NEMP1: variants seen among roughly 807,000 people sequenced by gnomAD.
NEMP1 encodes nuclear envelope integral membrane protein 1, also known as transmembrane protein 194.
Under a neutral mutation model 53.7 loss-of-function variants are expected in NEMP1, and 29 were observed. The ratio of observed to expected loss-of-function variants is 0.54; its 90% CI spans 0.40 to 0.74. NEMP1 has a LOEUF of 0.74. Ranked by LOEUF, NEMP1 falls within the 30% of genes least tolerant of loss-of-function variation. NEMP1 has a pLI of 0.00. For synonymous variants in NEMP1, 193 were observed against 192.9 expected (o/e 1.00, Z 0.00); for missense variants, 477 against 528.6 (o/e 0.90, Z 0.96).
intron 4 of NEMP1, among the ~76,000 whole-genome samples, chr12:57,069,013 G>A (rs543135592): frequency 6.6e-6 from 1 of 152,234 alleles, no homozygotes; most frequent in Non-Finnish European, 1.5e-5. Context: ...ACCTAATGAT[G>A]GGCCAACCTA....
At chr12:57,077,063 A>T (rs1020078871) in intron 1 of NEMP1, among the ~76,000 whole-genome samples, 3 of 151,590 alleles carry the variant, frequency 2.0e-5, no homozygotes, top group East Asian at 3.9e-4. Flanking sequence ...CCGGGTGTGG[A>T]GGCTCATGCC....
chr12:57,070,638 T>C (rs376275381), intron 3 of NEMP1, 36 bp downstream of exon 3: 65 of 1,520,726 alleles, frequency 4.3e-5, no homozygotes, highest in Non-Finnish European at 5.5e-5. Context: ...TCCTTATCAC[T>C]ACAGAATCCA....
intron 5 of NEMP1, 82 bp downstream of exon 5, chr12:57,064,564 C>T: frequency 9.5e-7 from 1 of 1,048,112 alleles, no homozygotes; most frequent in South Asian, 1.5e-5. Flanking sequence ...TACACATTTT[C>T]AGTTTTCTAA....
intron 7 of NEMP1, 60 bp from the exon 8 acceptor site, chr12:57,061,005 TCTAG>T: frequency 6.4e-7 from 1 of 1,550,728 alleles, no homozygotes; most frequent in Non-Finnish European, 8.7e-7. Context: ...CATCCTTACT[TCTAG>T]CTCCCTTCAG....
chr12:57,070,753 C>A lies in NEMP1; in HGVS notation c.393G>T (p.Val131=). ...KEKLNDTYVN[V]GLYSTKTCLK... The stretch of plus-strand genomic sequence containing the variant: ...GGCAGGTTTTTGTGCTGTATAGACC[C>A]ACGTTAACATAGGTGTCATTCAATT... The change falls in exon 3 of 9, where the codon GTG becomes GTT. Residue 131 remains valine, a synonymous_variant. Transcript: ENST00000300128. The A allele has an allele frequency of 6.3e-7, 1 of 1,597,226 alleles. No individual in the cohort carries two copies. The highest frequency in any genetic ancestry group is 1.1e-5 in the South Asian group (1 of 88,760).
At chr12:57,078,884 C>G, upstream of NEMP1, 9 of 945,154 alleles carry the variant, frequency 9.5e-6, no homozygotes, top group Non-Finnish European at 1.4e-5. Context: ...CCCAGCCCTC[C>G]AAGGGCCCTA....
At position 57,059,277 on chromosome 12, in the gene NEMP1, AG is replaced by A. The variant is rs2031679630; in HGVS notation, c.*601del. ...CATATTAATAAATATGTAGGGGCCT[AG>A]GGGGTGTGTCACTCTGGAGCACTTG... On this transcript the variant is annotated 3_prime_UTR_variant, in exon 9 of 9. Transcript: ENST00000300128. 2 of 152,232 alleles carry A rather than the reference AG, an allele frequency of 1.3e-5. No individual in the cohort carries two copies. Among genetic ancestry groups the A allele is most frequent in the African/African-American group, 4.8e-5 (2 of 41,442 alleles). The allele number at this position is 152,232 out of a possible 1,614,324, so 9.4% of individuals were successfully genotyped here.
chr12:57,066,503 G>A (rs1259067920), intron 4 of NEMP1, among the ~76,000 whole-genome samples: 3 of 152,178 alleles, frequency 2.0e-5, no homozygotes, highest in Admixed American at 6.5e-5. Context: ...AGCATAATCA[G>A]AGAGATGTAT....
intron 2 of NEMP1, 109 bp downstream of exon 2, chr12:57,072,679 A>C: frequency 1.6e-6 from 2 of 1,236,336 alleles, no homozygotes; most frequent in Non-Finnish European, 1.1e-6. Flanking sequence ...CAAGATTGTT[A>C]ACAACATTTT....
chr12:57,083,650 C>T (rs991814603), upstream of NEMP1, among the ~76,000 whole-genome samples: 12 of 152,218 alleles, frequency 7.9e-5, no homozygotes, highest in Non-Finnish European at 1.2e-4. Flanking sequence ...TGACTTCATA[C>T]TGTGGTAAGT....
chr12:57,059,801 G>C lies in NEMP1; in HGVS notation c.*78C>G. On this transcript the variant is annotated 3_prime_UTR_variant, in exon 9 of 9. Coordinates refer to ENST00000300128, the MANE Select transcript of NEMP1 (RefSeq NM_001130963.2). ...CTATCTATCTCACTCTGTTTCAAAG[G>C]GTTGAAAGCAATTGCACAACACATG... 6.1e-6 allele frequency: 8 copies of C among 1,309,600 alleles called. No individual in the cohort carries two copies. Among genetic ancestry groups the C allele is most frequent in the East Asian group, 4.7e-5 (2 of 42,410 alleles). 81.1% of individuals were successfully genotyped at this position (1,309,600 alleles called of 1,614,324 possible).
intron 1 of NEMP1, chr12:57,087,924 A>C (rs986675869): frequency 6.6e-6 from 1 of 151,284 alleles, no homozygotes; most frequent in Non-Finnish European, 1.5e-5. Flanking sequence ...CAGCCCTCCC[A>C]GCCGTGGGCG....
At chr12:57,064,815 C>T in intron 4 of NEMP1, 76 bp from the exon 5 acceptor site, 1 of 1,080,104 alleles carries the variant, frequency 9.3e-7, no homozygotes, top group Non-Finnish European at 1.4e-6. Context: ...GGACAACTAA[C>T]CCAGCCGAAA....
At chr12:57,060,479 TA>T (rs980666665) in intron 8 of NEMP1, among the ~76,000 whole-genome samples, 2 of 152,074 alleles carry the variant, frequency 1.3e-5, no homozygotes, top group African/African-American at 4.8e-5. Context: ...AAAAAGTGGG[TA>T]GGGGGGAACC....
At chr12:57,072,328 T>G (rs1338233655) in intron 2 of NEMP1, among the ~76,000 whole-genome samples, 3 of 152,000 alleles carry the variant, frequency 2.0e-5, no homozygotes, top group Non-Finnish European at 4.4e-5. Flanking sequence ...TAATCCCAGC[T>G]ACTTGGGAGG....
chr12:57,075,545 CA>C (rs1263469358), intron 1 of NEMP1, among the ~76,000 whole-genome samples: 1 of 145,210 alleles, frequency 6.9e-6, no homozygotes, highest in Non-Finnish European at 1.5e-5. Flanking sequence ...TAGTTGGGCC[CA>C]GGCGTGGTGG....
At chr12:57,073,037 A>G (rs2032423903) in intron 1 of NEMP1, 125 bp from the exon 2 acceptor site, 1 of 763,228 alleles carries the variant, frequency 1.3e-6, no homozygotes, top group Non-Finnish European at 1.9e-6. Context: ...AGACTGAGAA[A>G]TAAGAAAAAA....
chr12:57,083,590 A>C (rs779978865), upstream of NEMP1, among the ~76,000 whole-genome samples: 13 of 152,256 alleles, frequency 8.5e-5, no homozygotes, highest in Non-Finnish European at 1.3e-4. Flanking sequence ...CCAATGCATC[A>C]GGACAGCACC....
At chr12:57,082,341 T>C (rs997034657), upstream of NEMP1, among the ~76,000 whole-genome samples, 2 of 152,248 alleles carry the variant, frequency 1.3e-5, no homozygotes, top group Non-Finnish European at 2.9e-5. Flanking sequence ...TGTCAGATAA[T>C]AATTGAGGAA....
Sources: gnomAD v4.1 joint callset for allele counts (sites outside exome capture counted in the v4.1 genomes callset) on GRCh38, gnomAD v4.1.1 for gene constraint, MANE v1.5 for transcripts, NCBI Gene and HGNC (gene_info 2026-07-23, HGNC 2026-07-21) for gene names.